The following GALK2 variants were observed in gnomAD, a reference collection of about 807,000 sequenced individuals.
The protein encoded by GALK2 is N-acetylgalactosamine kinase.
A neutral mutation model predicts 52.4 loss-of-function variants in GALK2; 36 were observed. The observed-to-expected ratio is 0.69, with a 90% CI of 0.53 to 0.91. The LOEUF (loss-of-function observed/expected upper bound fraction) is 0.91. Among genes scored for constraint, GALK2 ranks in the 40% least tolerant of loss-of-function variants. The pLI is 0.00. For missense variants in GALK2, 579 were observed against 559.1 expected, an observed-to-expected ratio of 1.04 and a Z score of -0.36; for synonymous variants, 176 against 199.1, an observed-to-expected ratio of 0.88 and a Z score of 0.98.
chr15:49,358,876 G>C (rs1412952832), intron 3 of GALK2, among the ~76,000 whole-genome samples: 3 of 149,492 alleles, frequency 2.0e-5, no homozygotes, highest in Non-Finnish European at 4.5e-5. Context: ...CATGGTACTG[G>C]TACCAAAACA....
rs150374637 is a variant in GALK2, at chr15:49,342,528, CA to C, written c.426+22724del. ...TTCAATGGAGCATTTAGACTGTTTACATTCAAGGTTATAATTAATATGTGAG... is the reference window on the plus strand; with the variant it reads ...TTCAATGGAGCATTTAGACTGTTTACTTCAAGGTTATAATTAATATGTGAG... On this transcript the variant is annotated intron_variant, in intron 3 of 3. Coordinates refer to the GALK2 transcript ENST00000558399. Among the ~76,000 whole-genome samples, 452 of 152,284 alleles carry C rather than the reference CA, an allele frequency of 3.0e-3. 5 individuals are homozygous for C. Among genetic ancestry groups the C allele is most frequent in the African/African-American group, 0.01 (427 of 41,564 alleles).
intron 8 of GALK2, among the ~76,000 whole-genome samples, chr15:49,311,919 C>T (rs1173871682): frequency 2.0e-5 from 3 of 152,256 alleles, no homozygotes; most frequent in Non-Finnish European, 4.4e-5. Context: ...ATGGTAGGCA[C>T]ATTCGACATG....
chr15:49,229,043 T>C (rs1298633149), intron 3 of GALK2, among the ~76,000 whole-genome samples: 1 of 152,164 alleles, frequency 6.6e-6, no homozygotes, highest in South Asian at 2.1e-4. Flanking sequence ...TTCTGGAATT[T>C]AATAAATTTC....
chr15:49,221,477 C>T (rs2089787119), intron 3 of GALK2, among the ~76,000 whole-genome samples: 1 of 151,862 alleles, frequency 6.6e-6, no homozygotes, highest in Non-Finnish European at 1.5e-5. Context: ...ACCAGCCTGG[C>T]CAACATGATG....
chr15:49,265,224 C>T (rs947470502), intron 5 of GALK2, among the ~76,000 whole-genome samples: 11 of 152,206 alleles, frequency 7.2e-5, no homozygotes, highest in African/African-American at 2.7e-4. Flanking sequence ...GTGGGCTCCA[C>T]CCAGTTCTAG....
exon 4 of GALK2, chr15:49,367,564 G>A (rs141588026): frequency 1.2e-6 from 2 of 1,603,616 alleles, no homozygotes; most frequent in Non-Finnish European, 1.7e-6. Flanking sequence ...CTCCAAAATT[G>A]AAGAGAACAC....
intron 1 of GALK2, among the ~76,000 whole-genome samples, chr15:49,193,643 G>A (rs2086951514): frequency 6.6e-6 from 1 of 151,774 alleles, no homozygotes; most frequent in African/African-American, 2.4e-5. Flanking sequence ...GATTATTATT[G>A]TGTATGGTGT....
At chr15:49,367,462 C>G (rs768743764) in intron 3 of GALK2, 4 of 1,588,048 alleles carry the variant, frequency 2.5e-6, no homozygotes, top group Middle Eastern at 1.7e-4. Flanking sequence ...CCTGGAATAT[C>G]TTAGTGAGTT....
At chr15:49,260,965 T>C (rs1386506160) in intron 5 of GALK2, among the ~76,000 whole-genome samples, 1 of 151,976 alleles carries the variant, frequency 6.6e-6, no homozygotes, top group Admixed American at 6.6e-5. Context: ...TTTTGGTTAC[T>C]GTAGCCTTGT....
Position 49,328,864 on chromosome 15 carries a change from CT to C in GALK2, c.*708del. 7.5e-7 allele frequency: 1 copy of C among 1,336,572 alleles called. No individual in the cohort carries two copies. The highest frequency in any genetic ancestry group is 2.6e-5 in the East Asian group (1 of 38,196). The allele number at this position is 1,336,572 out of a possible 1,614,324, so 82.8% of individuals were successfully genotyped here. Reference sequence around the variant, plus strand: ...AAACCATGTAATATATAAATAACCACTTTCAATTCTTTTGGCCCTGAGCTAT... The same window carrying C: ...AAACCATGTAATATATAAATAACCACTTCAATTCTTTTGGCCCTGAGCTAT... On this transcript the variant is annotated 3_prime_UTR_variant, in exon 10 of 10. Coordinates refer to ENST00000560031, the MANE Select transcript of GALK2 (RefSeq NM_002044.4).
At chr15:49,362,105 CTTG>C (rs1412470046) in intron 3 of GALK2, among the ~76,000 whole-genome samples, 3 of 151,972 alleles carry the variant, frequency 2.0e-5, no homozygotes, top group Non-Finnish European at 4.4e-5. Context: ...TTGCTGTGTG[CTTG>C]TTGATTTAAG....
upstream of GALK2, among the ~76,000 whole-genome samples, chr15:49,166,469 A>C (rs2084827184): frequency 6.6e-6 from 1 of 152,168 alleles, no homozygotes; most frequent in Non-Finnish European, 1.5e-5. Flanking sequence ...CTGTAATCTC[A>C]GCACTTTGGG....
rs754442774 is a variant in GALK2 at position 49,217,228 on chromosome 15, A to G, written c.181A>G (p.Met61Val). 3 of 1,611,406 alleles carry G rather than the reference A, an allele frequency of 1.9e-6. No individual in the cohort carries two copies. The South Asian group carries it at 3.3e-5, about 18-fold the overall frequency. The part of the protein sequence containing the change: ...IDYCGYSVLP[M>V]AVEQDVLIAV... Reference sequence around the variant, plus strand: ...TTATTGTGGATATTCTGTTCTTCCTATGGCTGTAGAACAAGATGTGCTAAT... The same window carrying G: ...TTATTGTGGATATTCTGTTCTTCCTGTGGCTGTAGAACAAGATGTGCTAAT... The change falls in exon 3 of 10, where the codon ATG (methionine) becomes GTG (valine). Residue 61 changes from methionine (M) to valine (V), a missense_variant. Met to Val is a conservative substitution (Grantham distance 21). Coordinates refer to ENST00000560031, the MANE Select transcript of GALK2 (RefSeq NM_002044.4).
chr15:49,231,547 A>T (rs2090503433), intron 3 of GALK2, among the ~76,000 whole-genome samples: 1 of 152,214 alleles, frequency 6.6e-6, no homozygotes, highest in South Asian at 2.1e-4. Flanking sequence ...TTCCAGCATT[A>T]ACTTACAAGT....
At chr15:49,218,608 A>G (rs2089564924) in intron 3 of GALK2, among the ~76,000 whole-genome samples, 1 of 152,150 alleles carries the variant, frequency 6.6e-6, no homozygotes, top group Non-Finnish European at 1.5e-5. Flanking sequence ...CAGGACCCCT[A>G]GGAAGCATGC....
intron 5 of GALK2, among the ~76,000 whole-genome samples, chr15:49,260,301 T>A (rs1315228033): frequency 1.3e-5 from 2 of 152,222 alleles, no homozygotes; most frequent in Admixed American, 1.3e-4. Flanking sequence ...TATCTCATTG[T>A]GGTTTTGATT....
intron 3 of GALK2, among the ~76,000 whole-genome samples, chr15:49,227,190 G>A: frequency 6.6e-6 from 1 of 152,132 alleles, no homozygotes; most frequent in East Asian, 1.9e-4. Flanking sequence ...TAAATTTTCT[G>A]TTGTGATGAT....
At chr15:49,343,015 T>C (rs1463358577) in intron 3 of GALK2, among the ~76,000 whole-genome samples, 1 of 152,200 alleles carries the variant, frequency 6.6e-6, no homozygotes, top group African/African-American at 2.4e-5. Context: ...TCATTTTGTA[T>C]AGTATCTCAC....
intron 3 of GALK2, among the ~76,000 whole-genome samples, chr15:49,357,318 C>G (rs1377881799): frequency 2.7e-5 from 4 of 149,866 alleles, no homozygotes; most frequent in Non-Finnish European, 5.9e-5. Context: ...AAAGGATCAA[C>G]AAAATTGATA....
Sources: gnomAD v4.1 joint callset for allele counts (sites outside exome capture counted in the v4.1 genomes callset) on GRCh38, gnomAD v4.1.1 for gene constraint, MANE v1.5 for transcripts, NCBI Gene and HGNC (gene_info 2026-07-23, HGNC 2026-07-21) for gene names.